Variants in RRP12 observed in about 807,000 individuals in gnomAD.
RRP12 encodes RRP12-like protein.
A neutral mutation model predicts 157.3 loss-of-function variants in RRP12; 78 were observed. The ratio of observed to expected loss-of-function variants is 0.50; its 90% CI spans 0.41 to 0.60. The LOEUF (loss-of-function observed/expected upper bound fraction) is 0.60. Ranked by LOEUF, RRP12 falls within the 20% of genes least tolerant of loss-of-function variation. The pLI is 0.00. For synonymous variants in RRP12, 726 were observed against 670.9 expected, an observed-to-expected ratio of 1.08 and a Z score of -1.27; for missense variants, 1,521 against 1,679.9, an observed-to-expected ratio of 0.91 and a Z score of 1.65.
rs1445377441 is a variant in RRP12 at position 97,379,692 on chromosome 10, C to T, written c.1612G>A (p.Ala538Thr). The T allele has an allele frequency of 5.0e-6, 8 of 1,614,086 alleles. No individual in the cohort carries two copies. The highest frequency in any genetic ancestry group is 6.8e-6 in the Non-Finnish European group (8 of 1,180,004). ...TAALDQAVGA[A>T]VTSMGPEVVL... Reference sequence around the variant, plus strand: ...ACCTCAGGTCCCATACTGGTCACCGCAGCCCCCACTGCCTGGTCAAGAGCC... The same window carrying T: ...ACCTCAGGTCCCATACTGGTCACCGTAGCCCCCACTGCCTGGTCAAGAGCC... Residue 538 changes from alanine to threonine, a missense_variant, in exon 14 of 34, where the codon GCG (alanine) becomes ACG (threonine). Coordinates refer to ENST00000370992, the MANE Select transcript of RRP12 (RefSeq NM_015179.4).
At chr10:97,393,381 G>A (rs996908331) in intron 4 of RRP12, 33 of 550,200 alleles carry the variant, frequency 6.0e-5, no homozygotes, top group Admixed American at 2.3e-4. Flanking sequence ...CTCACAGCAC[G>A]AGCTCCTGAA....
In RRP12 at chr10:97,370,482, A is replaced by G. The variant is rs1844113699; in HGVS notation, c.2662T>C (p.Phe888Leu). 1.2e-6 allele frequency: 2 copies of G among 1,609,244 alleles called. No individual in the cohort carries two copies. The part of the protein sequence containing the change: ...FALLVEMGHA[F>L]LRFGSNQEEA... ...TCCTGGTTCGAGCCAAACCTTAGGA[A>G]AGCATGGCCCATCTCCACGAGCAGT... The change falls in exon 23 of 34, where the codon TTC (phenylalanine) becomes CTC (leucine). Residue 888 changes from phenylalanine (F) to leucine (L), a missense_variant. Physicochemically the swap from Phe to Leu is conservative, Grantham distance 22. Coordinates refer to ENST00000370992, the MANE Select transcript of RRP12 (RefSeq NM_015179.4).
chr10:97,393,346 G>T, intron 4 of RRP12: 1 of 473,556 alleles, frequency 2.1e-6, no homozygotes, highest in Non-Finnish European at 4.1e-6. Flanking sequence ...CTTTTGTTTT[G>T]GACTATCAAA....
At chr10:97,390,878 G>T in intron 4 of RRP12, 34 bp from the exon 5 acceptor site, 1 of 1,411,536 alleles carries the variant, frequency 7.1e-7, no homozygotes, top group East Asian at 2.3e-5. Context: ...CACCCCAGAG[G>T]GTCCCTGAAG....
In RRP12 at chr10:97,394,468, T is replaced by C. The variant is rs544825037; in HGVS notation, c.454-708A>G. Among the ~76,000 whole-genome samples, 13 of 152,292 alleles carry C rather than the reference T, an allele frequency of 8.5e-5. No individual in the cohort carries two copies. The South Asian group carries it at 2.7e-3, about 32-fold the overall frequency. On this transcript the variant is annotated intron_variant, in intron 3 of 33. Transcript: ENST00000370992. ...GCAGTGGTATAATCATAGCTCACTG[T>C]AACCTTGAACTTCAAAGCTCAAGAG...
intron 20 of RRP12, 126 bp from the exon 21 acceptor site, chr10:97,371,207 A>G (rs1262951524): frequency 2.0e-6 from 2 of 1,004,242 alleles, no homozygotes; most frequent in African/African-American, 1.6e-5. Flanking sequence ...GGCTTGACAG[A>G]GGACCAGTGG....
intron 30 of RRP12, among the ~76,000 whole-genome samples, chr10:97,361,321 A>G (rs1843836631): frequency 6.6e-6 from 1 of 152,234 alleles, no homozygotes; most frequent in Admixed American, 6.5e-5. Context: ...CAGCGGCCCC[A>G]GCCCATCAGA....
intron 2 of RRP12, 24 bp from the exon 3 acceptor site, chr10:97,396,325 G>T (rs1312261530): frequency 1.3e-6 from 2 of 1,598,846 alleles, no homozygotes; most frequent in Admixed American, 1.7e-5. Flanking sequence ...AGAAAGCACT[G>T]TGACTATTTT....
Position 97,400,460 on chromosome 10 carries a change from T to C in RRP12, c.214A>G (p.Ser72Gly). 1 of 1,614,044 alleles carries C rather than the reference T, an allele frequency of 6.2e-7. No individual in the cohort carries two copies. The highest frequency in any genetic ancestry group is 1.1e-5 in the South Asian group (1 of 91,076). Reference protein sequence around the residue: ...LQSGSLRLGKSEAPETPMEEE... With the variant: ...LQSGSLRLGKGEAPETPMEEE... ...TCCATGGGCGTCTCCGGGGCTTCGC[T>C]TTTGCCCAAGCGCAAGGACCCTGAC... Residue 72 changes from serine to glycine, a missense_variant, in exon 2 of 34, where the codon AGC (serine) becomes GGC (glycine). Ser to Gly is a moderately conservative substitution (Grantham distance 56, BLOSUM62 0). Coordinates refer to ENST00000370992, the MANE Select transcript of RRP12 (RefSeq NM_015179.4).
At chr10:97,370,897 A>G in intron 21 of RRP12, 26 bp downstream of exon 21, 2 of 1,613,082 alleles carry the variant, frequency 1.2e-6, no homozygotes, top group Non-Finnish European at 1.7e-6. Flanking sequence ...CTCCCTCGGC[A>G]GAGCGGGTGG....
In RRP12 at chr10:97,379,239, G is replaced by A; in HGVS notation, c.1798+54C>T. 4 of 1,600,596 alleles carry A rather than the reference G, an allele frequency of 2.5e-6. No individual in the cohort carries two copies. The South Asian group carries it at 3.3e-5, about 13-fold the overall frequency. On this transcript the variant is annotated intron_variant, in intron 15 of 33. Coordinates refer to ENST00000370992, the MANE Select transcript of RRP12 (RefSeq NM_015179.4). Reference sequence around the variant, plus strand: ...CACCCTTCCCAATCCCTTCTGTGGAGGTTCCAGGACTGTGGGGAGCCTCAG... The same window carrying A: ...CACCCTTCCCAATCCCTTCTGTGGAAGTTCCAGGACTGTGGGGAGCCTCAG...
rs201898570 is a variant in RRP12, at chr10:97,357,245, C to T, written c.3792-49G>A. On this transcript the variant is annotated intron_variant, in intron 33 of 33. Transcript: ENST00000370992. ...GTCACATCTGGCTGAGAATAGGAGG[C>T]CCCCTCCTGTTGCCAAATGATGGCT... The T allele has an allele frequency of 7.3e-6, 9 of 1,237,192 alleles. No homozygotes were observed. In the East Asian group the frequency reaches 1.7e-4, roughly 23 times the overall value. The allele number at this position is 1,237,192 out of a possible 1,614,324, so 76.6% of individuals were successfully genotyped here.
At chr10:97,395,578 T>C (rs1410048257) in intron 3 of RRP12, among the ~76,000 whole-genome samples, 1 of 150,172 alleles carries the variant, frequency 6.7e-6, no homozygotes, top group African/African-American at 2.4e-5. Context: ...AGACCAGGCC[T>C]GGTGGCTCAG....
At chr10:97,397,006 C>T (rs910279629) in intron 2 of RRP12, among the ~76,000 whole-genome samples, 3 of 152,158 alleles carry the variant, frequency 2.0e-5, no homozygotes, top group African/African-American at 7.2e-5. Context: ...CTCAAGTGAT[C>T]TGCCCTCCTT....
chr10:97,366,764 G>GCTCCTCCTCCTCCTC lies in RRP12; in HGVS notation c.3178_3192dup (p.Glu1060_Glu1064dup). On this transcript the variant is annotated inframe_insertion, in exon 27 of 34. Transcript: ENST00000370992. ...CACCTGTCACCTTTGCCCTGGGCGG[G>GCTCCTCCTCCTCCTC]CTCCTCCTCCTCCTCCTCCTCTTCT... The GCTCCTCCTCCTCCTC allele has an allele frequency of 6.2e-7, 1 of 1,603,414 alleles. No homozygotes were observed. The highest frequency in any genetic ancestry group is 2.2e-5 in the East Asian group (1 of 44,822).
chr10:97,371,174 C>T, intron 20 of RRP12, 93 bp from the exon 21 acceptor site: 1 of 1,372,814 alleles, frequency 7.3e-7, no homozygotes, highest in Non-Finnish European at 1.0e-6. Context: ...GGATTCTGAG[C>T]AGGGGTCCGT....
intron 13 of RRP12, among the ~76,000 whole-genome samples, chr10:97,380,191 T>C (rs1844427677): frequency 6.6e-6 from 1 of 152,168 alleles, no homozygotes; most frequent in African/African-American, 2.4e-5. Context: ...GTCAACCTAA[T>C]TTATCAGGGC....
rs200667236 is a variant in RRP12, at chr10:97,373,848, G to A, written c.1845C>T (p.Tyr615=). Residue 615 remains tyrosine (Y), a synonymous_variant, in exon 16 of 34, where the codon TAC becomes TAT. Transcript: ENST00000370992. ...QAGSTVESKI[Y]DTLQWQMWTL... Reference sequence around the variant, plus strand: ...CCCTTACCTGCCACTGGAGTGTGTCGTAGATCTTAGATTCCACTGTGCTGC... The same window carrying A: ...CCCTTACCTGCCACTGGAGTGTGTCATAGATCTTAGATTCCACTGTGCTGC... 75 of 1,613,608 alleles carry A rather than the reference G, an allele frequency of 4.6e-5. No individual in the cohort carries two copies. Among genetic ancestry groups the A allele is most frequent in the East Asian group, 6.7e-5 (3 of 44,878 alleles).
At position 97,388,296 on chromosome 10, in the gene RRP12, T is replaced by A. The variant is rs576071886; in HGVS notation, c.973A>T (p.Ser325Cys). 1.2e-4 allele frequency: 194 copies of A among 1,614,002 alleles called. No homozygotes were observed. The highest frequency in any genetic ancestry group is 1.5e-4 in the Non-Finnish European group (177 of 1,180,018). ...LPCFPEGLVK[S>C]CSETLLRVMT... is the part of the protein sequence containing the mutation. ...ACCCTGAGGAGAGTCTCACTGCAGC[T>A]CTTCACCAGGCCTTCCGGGAAGCAG... is the stretch of plus-strand genomic sequence containing the variant. The change falls in exon 8 of 34, where the codon AGC becomes TGC. Residue 325 changes from serine (S) to cysteine (C), a missense_variant. Coordinates refer to ENST00000370992, the MANE Select transcript of RRP12 (RefSeq NM_015179.4).
Sources: gnomAD v4.1 joint callset for allele counts (sites outside exome capture counted in the v4.1 genomes callset) on GRCh38, gnomAD v4.1.1 for gene constraint, MANE v1.5 for transcripts, NCBI Gene and HGNC (gene_info 2026-07-23, HGNC 2026-07-21) for gene names.